The following AFF2 variants were observed in gnomAD, a reference collection of about 807,000 sequenced individuals.
AFF2 encodes the protein ALF transcription elongation factor 2, also known as AF4/FMR2 family member 2.
A neutral mutation model predicts 76.9 loss-of-function variants in AFF2; 14 were observed. The ratio of observed to expected loss-of-function variants is 0.18; its 90% CI spans 0.12 to 0.28. The LOEUF (loss-of-function observed/expected upper bound fraction) is 0.28, where lower values mean the gene tolerates loss of function less well. Among genes scored for constraint, AFF2 ranks in the 10% least tolerant of loss-of-function variants. The pLI, the probability that AFF2 is intolerant of heterozygous loss-of-function variation, is 1.00. For synonymous variants in AFF2, 398 were observed against 366.7 expected (o/e 1.09, Z -0.98); for missense variants, 868 against 1,001.1 (o/e 0.87, Z 1.79).
intron 3 of AFF2, among the ~76,000 whole-genome samples, chrX:148,680,632 G>T (rs1425376125): frequency 8.9e-6 from 1 of 111,917 alleles, no homozygotes; most frequent in Non-Finnish European, 1.9e-5. Flanking sequence ...AATTGGAAAA[G>T]ATTGTGTTCT....
At chrX:148,971,358 CT>C (rs1243478591) in intron 15 of AFF2, among the ~76,000 whole-genome samples, 1 of 92,299 alleles carries the variant, frequency 1.1e-5, no homozygotes, top group Non-Finnish European at 2.1e-5. Context: ...GGAAATTAAA[CT>C]TTTTTTTCAT....
At chrX:148,708,299 T>G (rs782095898) in intron 3 of AFF2, among the ~76,000 whole-genome samples, 18 of 112,173 alleles carry the variant, frequency 1.6e-4, no homozygotes, top group South Asian at 7.4e-4. Flanking sequence ...AAAAAGGAGC[T>G]AAATCAAAGA....
At chrX:148,544,575 A>G (rs1450131333) in intron 1 of AFF2, among the ~76,000 whole-genome samples, 1 of 112,391 alleles carries the variant, frequency 8.9e-6, no homozygotes, top group Non-Finnish European at 1.9e-5. Context: ...AGATTTTCCT[A>G]CATGTTGATT....
chrX:148,807,758 G>A (rs2124638858), intron 3 of AFF2, among the ~76,000 whole-genome samples: 1 of 112,459 alleles, frequency 8.9e-6, no homozygotes, highest in East Asian at 2.8e-4. Context: ...TTTGACCTTT[G>A]TATTTGGGGA....
In AFF2 at chrX:148,825,590, GT is replaced by G. The variant is rs3067275; in HGVS notation, c.1087-12046del. Among the ~76,000 whole-genome samples, 264 of 99,743 alleles carry G rather than the reference GT, an allele frequency of 2.6e-3. 1 individual carries two copies. Among genetic ancestry groups the G allele is most frequent in the Middle Eastern group, 0.01 (2 of 194 alleles). The allele number at this position is 99,743 out of a possible 115,157, so 86.6% of individuals were successfully genotyped here. ...CTCCTTTCATGTCTTTAATAGAGTA[GT>G]TTTTTTTTTTCATTTTTGACCACTC... On this transcript the variant is annotated intron_variant, in intron 4 of 20. Coordinates refer to ENST00000370460, the MANE Select transcript of AFF2 (RefSeq NM_002025.4).
chrX:148,754,376 T>A (rs1207628439), intron 3 of AFF2, among the ~76,000 whole-genome samples: 1 of 111,150 alleles, frequency 9.0e-6, no homozygotes, highest in African/African-American at 3.3e-5. Context: ...TTTCCATGTA[T>A]TTTTAAAGTC....
intron 12 of AFF2, among the ~76,000 whole-genome samples, chrX:148,961,785 T>A (rs782434328): frequency 8.9e-5 from 10 of 112,813 alleles, no homozygotes; most frequent in Non-Finnish European, 1.7e-4. Context: ...AAAATTGTAG[T>A]CAATAATCAT....
rs1241560667 is a variant in AFF2, at chrX:148,745,284, G to T, written c.1042-64592G>T. Among the ~76,000 whole-genome samples the T allele has an allele frequency of 6.3e-5, 7 of 111,559 alleles. No homozygotes were observed. The East Asian group carries it at 2.0e-3, about 31-fold the overall frequency. ...TATTCCTACAAGTTCTAAAATTGTT[G>T]TACATCTATTGTATGCTGTTCAGTA... On this transcript the variant is annotated intron_variant, in intron 3 of 20. Transcript: ENST00000370460.
chrX:148,801,554 G>T (rs1394523565), intron 3 of AFF2, among the ~76,000 whole-genome samples: 1 of 111,243 alleles, frequency 9.0e-6, no homozygotes, highest in Non-Finnish European at 1.9e-5. Context: ...CTTCCCTCCT[G>T]TTACAATGGA....
chrX:148,599,958 A>AT (rs1458955684), intron 1 of AFF2, among the ~76,000 whole-genome samples: 12 of 112,032 alleles, frequency 1.1e-4, no homozygotes, highest in African/African-American at 3.9e-4. Context: ...GCAATCAACC[A>AT]TCACAACTTT....
At chrX:148,585,622 G>A (rs782413777) in intron 1 of AFF2, among the ~76,000 whole-genome samples, 1 of 110,192 alleles carries the variant, frequency 9.1e-6, no homozygotes, top group African/African-American at 3.3e-5. Flanking sequence ...GGCGGATCAC[G>A]AGGTCAGGAG....
At chrX:148,648,160 C>G (rs782785060) in intron 1 of AFF2, among the ~76,000 whole-genome samples, 1 of 111,906 alleles carries the variant, frequency 8.9e-6, no homozygotes, top group East Asian at 2.8e-4. Flanking sequence ...GAGACAGCTC[C>G]CTCTGTTCAT....
At chrX:148,573,273 C>T (rs2053249581) in intron 1 of AFF2, among the ~76,000 whole-genome samples, 1 of 111,195 alleles carries the variant, frequency 9.0e-6, no homozygotes, top group Non-Finnish European at 1.9e-5. Flanking sequence ...GCCATGGACT[C>T]CATGAAGCCT....
rs372801285 is a variant in AFF2 at position 148,916,376 on chromosome X, A to AT, written c.1397+12125dup. Among the ~76,000 whole-genome samples the AT allele has an allele frequency of 5.6e-5, 6 of 106,964 alleles. No individual in the cohort carries two copies. In the East Asian group the frequency reaches 1.5e-3, roughly 26 times the overall value. The allele number at this position is 106,964 out of a possible 115,157, so 92.9% of individuals were successfully genotyped here. ...AGGCGCCCGCCACCACGCCCGGCTA[A>AT]TTTTTTTGTGTTTTTGGTAGAGACG... On this transcript the variant is annotated intron_variant, in intron 9 of 20. Transcript: ENST00000370460.
chrX:148,996,017 C>T lies in AFF2; in HGVS notation c.*4685C>T, dbSNP rs1557293058. 1 of 112,605 alleles carries T rather than the reference C, an allele frequency of 8.9e-6. No homozygotes were observed. The highest frequency in any genetic ancestry group is 1.9e-5 in the Non-Finnish European group (1 of 53,309). 9.3% of individuals were successfully genotyped at this position (112,605 alleles called of 1,213,427 possible). On this transcript the variant is annotated 3_prime_UTR_variant, in exon 21 of 21. Coordinates refer to ENST00000370460, the MANE Select transcript of AFF2 (RefSeq NM_002025.4). Reference sequence around the variant, plus strand: ...GCAGCAGGAAGCCAGCTGTCATATTCGGAGGGAATTTCAGATGCTTTACCT... The same window carrying T: ...GCAGCAGGAAGCCAGCTGTCATATTTGGAGGGAATTTCAGATGCTTTACCT...
chrX:148,928,597 A>G (rs2071678873), intron 9 of AFF2, among the ~76,000 whole-genome samples: 1 of 112,476 alleles, frequency 8.9e-6, no homozygotes, highest in South Asian at 3.7e-4. Context: ...TGAAGGATGA[A>G]TACTTTGAAG....
At chrX:148,642,307 A>G (rs2054098330) in intron 1 of AFF2, among the ~76,000 whole-genome samples, 1 of 112,554 alleles carries the variant, frequency 8.9e-6, no homozygotes, top group Non-Finnish European at 1.9e-5. Flanking sequence ...TAAAATTGTC[A>G]ATTATAAACT....
Position 148,651,275 on chromosome X carries a change from T to G in AFF2, c.48-724T>G, listed in dbSNP as rs533897441. 7.2e-4 allele frequency among the ~76,000 whole-genome samples: 81 copies of G among 112,386 alleles called. 2 individuals are homozygous for G. In the South Asian group the frequency reaches 0.03, roughly 41 times the overall value. On this transcript the variant is annotated intron_variant, in intron 1 of 20. Transcript: ENST00000370460. The stretch of plus-strand genomic sequence containing the variant: ...GTCACAGTTAGTCTTTATAAAACAT[T>G]TGTTCGTTGAGGTCATTAAAGGCTT...
At chrX:148,839,894 GGTGTGT>G (rs200060298) in intron 5 of AFF2, among the ~76,000 whole-genome samples, 68 of 87,025 alleles carry the variant, frequency 7.8e-4, no homozygotes, top group Middle Eastern at 6.1e-3. Context: ...GTTGGGGCAT[GGTGTGT>G]GTGTGTGTGT....
Sources: gnomAD v4.1 joint callset for allele counts (sites outside exome capture counted in the v4.1 genomes callset) on GRCh38, gnomAD v4.1.1 for gene constraint, MANE v1.5 for transcripts, NCBI Gene and HGNC (gene_info 2026-07-23, HGNC 2026-07-21) for gene names.